The following LMO7 variants were observed in gnomAD, a reference collection of about 807,000 sequenced individuals.
LMO7 encodes LIM domain only protein 7.
LMO7 carries 120 observed loss-of-function variants against 206.5 expected under a neutral mutation model. That is an observed-to-expected ratio of 0.58 (90% CI 0.50 to 0.68). The LOEUF (loss-of-function observed/expected upper bound fraction) is 0.68, where lower values mean the gene tolerates loss of function less well. Ranked by LOEUF, LMO7 falls within the 30% of genes least tolerant of loss-of-function variation. LMO7 has a pLI of 0.00. For synonymous variants in LMO7, 706 were observed against 681.5 expected (o/e 1.04, Z -0.56); for missense variants, 1,959 against 1,957.9 (o/e 1.00, Z -0.01).
At chr13:75,760,373 A>G in intron 3 of LMO7, 4 of 1,049,796 alleles carry the variant, frequency 3.8e-6, no homozygotes, top group Non-Finnish European at 4.6e-6. Flanking sequence ...CCTCAGTCCT[A>G]TAGTATGGTT....
intron 2 of LMO7, among the ~76,000 whole-genome samples, chr13:75,624,328 T>A (rs2033742099): frequency 6.6e-6 from 1 of 152,246 alleles, no homozygotes; most frequent in Non-Finnish European, 1.5e-5. Context: ...AAACATTAGA[T>A]GCTTTGCAGC....
intron 1 of LMO7, among the ~76,000 whole-genome samples, chr13:75,669,596 A>G (rs1003240241): frequency 3.9e-5 from 6 of 152,156 alleles, no homozygotes; most frequent in African/African-American, 1.4e-4. Flanking sequence ...TAGCATAGCA[A>G]TGCCCGCCTA....
rs190503512 is a variant in LMO7 at position 75,818,095 on chromosome 13, A to G, written c.2064+817A>G. On this transcript the variant is annotated intron_variant, in intron 12 of 30. Transcript: ENST00000377534. ...AAACCCCTGCTCTGGCTACCCTTCT[A>G]AATTCCAGTGCCTCTTTTAATTGGG... Among the ~76,000 whole-genome samples the G allele has an allele frequency of 1.1e-4, 17 of 152,332 alleles. No homozygotes were observed. In the East Asian group the frequency reaches 3.3e-3, roughly 29 times the overall value.
Position 75,727,097 on chromosome 13 carries a change from T to G in LMO7, c.209T>G (p.Leu70Trp). ...INRLSTPIAG[L>W]DNINVFLKAC... ...AGACTGTCTACACCAATAGCAGGAT[T>G]GGTAAGTAGTAAATTATCTTCACAA... The change falls in exon 3 of 31, where the codon TTG (leucine) becomes TGG (tryptophan). Residue 70 changes from leucine to tryptophan, a missense_variant and splice_region_variant. Transcript: ENST00000377534. 6.4e-7 allele frequency: 1 copy of G among 1,556,026 alleles called. No homozygotes were observed. Among genetic ancestry groups the G allele is most frequent in the Non-Finnish European group, 8.9e-7 (1 of 1,129,690 alleles).
intron 12 of LMO7, among the ~76,000 whole-genome samples, chr13:75,818,654 G>A (rs1457102013): frequency 2.0e-5 from 3 of 152,130 alleles, no homozygotes; most frequent in East Asian, 1.9e-4. Flanking sequence ...TTCCTGCCAC[G>A]TGTTCCTTAT....
At chr13:75,819,335 G>T in intron 12 of LMO7, 58 bp from the exon 13 acceptor site, 2 of 1,508,038 alleles carry the variant, frequency 1.3e-6, no homozygotes, top group Non-Finnish European at 1.8e-6. Context: ...CATTCTGTCT[G>T]CTAGAAAGGG....
chr13:75,636,311 G>A (rs1052956130), upstream of LMO7: 2 of 1,095,480 alleles, frequency 1.8e-6, no homozygotes, highest in Non-Finnish European at 2.2e-6. Context: ...CGGCGGCGGC[G>A]CTGCGACTTT....
intron 4 of LMO7, among the ~76,000 whole-genome samples, chr13:75,786,630 C>T (rs2052485590): frequency 6.6e-6 from 1 of 152,002 alleles, no homozygotes; most frequent in South Asian, 2.1e-4. Flanking sequence ...CATGATCTGC[C>T]CGCCTCGGCC....
Position 75,663,207 on chromosome 13 carries a change from T to C in LMO7, c.69+26481T>C, listed in dbSNP as rs556656340. On this transcript the variant is annotated intron_variant, in intron 1 of 30. Coordinates refer to ENST00000377534, the MANE Select transcript of LMO7 (RefSeq NM_001306080.2). ...ATATTCTTTTGGGTTGACTGTTTTT[T>C]AGACTTATTTTTATCTAGTCTTTTT... Among the ~76,000 whole-genome samples the C allele has an allele frequency of 1.8e-3, 271 of 152,018 alleles. 3 individuals are homozygous for C. Among genetic ancestry groups the C allele is most frequent in the African/African-American group, 6.3e-3 (262 of 41,546 alleles).
At chr13:75,679,011 C>T (rs2040257023) in intron 1 of LMO7, among the ~76,000 whole-genome samples, 1 of 152,194 alleles carries the variant, frequency 6.6e-6, no homozygotes, top group Non-Finnish European at 1.5e-5. Flanking sequence ...ATAAAGCCTT[C>T]TTTTCCTTTG....
upstream of LMO7, among the ~76,000 whole-genome samples, chr13:75,635,440 C>T (rs1464724455): frequency 2.0e-5 from 3 of 152,172 alleles, no homozygotes; most frequent in African/African-American, 4.8e-5. Context: ...CGCCCCGCCC[C>T]CAACCCCCCG....
At chr13:75,624,101 A>G (rs1305099472) in intron 2 of LMO7, among the ~76,000 whole-genome samples, 1 of 152,062 alleles carries the variant, frequency 6.6e-6, no homozygotes, top group Admixed American at 6.5e-5. Context: ...CTCAATTTCT[A>G]TTTCAGTCTC....
intron 26 of LMO7, among the ~76,000 whole-genome samples, chr13:75,846,632 C>T (rs971032224): frequency 6.6e-6 from 1 of 152,234 alleles, no homozygotes; most frequent in Non-Finnish European, 1.5e-5. Flanking sequence ...TGTGAATCTC[C>T]GGAATAATCT....
chr13:75,776,114 C>T (rs1463780077), intron 4 of LMO7, among the ~76,000 whole-genome samples: 31 of 58,122 alleles, frequency 5.3e-4, no homozygotes, highest in African/African-American at 1.3e-3. Flanking sequence ...TATATATATA[C>T]ATACATACAT....
At chr13:75,676,461 G>A (rs1410336129) in intron 1 of LMO7, among the ~76,000 whole-genome samples, 2 of 152,140 alleles carry the variant, frequency 1.3e-5, no homozygotes, top group Admixed American at 1.3e-4. Context: ...TCTTTGCAGG[G>A]AGGAATGAAC....
intron 1 of LMO7, among the ~76,000 whole-genome samples, chr13:75,693,429 C>A (rs1220410756): frequency 6.6e-6 from 1 of 151,530 alleles, no homozygotes; most frequent in East Asian, 1.9e-4. Flanking sequence ...GTGTGGATCT[C>A]CCCTGTCTGT....
chr13:75,718,785 C>T (rs542997120), intron 2 of LMO7, among the ~76,000 whole-genome samples: 4 of 152,172 alleles, frequency 2.6e-5, no homozygotes, highest in Non-Finnish European at 5.9e-5. Flanking sequence ...ATCCTCTGTG[C>T]TCCTCCTATT....
intron 23 of LMO7, 54 bp downstream of exon 23, chr13:75,841,255 A>C: frequency 8.7e-7 from 1 of 1,154,332 alleles, no homozygotes; most frequent in Non-Finnish European, 1.3e-6. Context: ...TGTTGGTGAG[A>C]TTAGCTGAGA....
chr13:75,649,612 G>A (rs75540064), intron 1 of LMO7, among the ~76,000 whole-genome samples: 110 of 151,988 alleles, frequency 7.2e-4, no homozygotes, highest in African/African-American at 2.7e-3. Context: ...AGTGTAGAGG[G>A]GCAGGTACTC....
Sources: allele counts gnomAD v4.1 joint callset (sites outside exome capture counted in the v4.1 genomes callset), GRCh38; gene constraint gnomAD v4.1.1; transcripts MANE v1.5; gene names NCBI Gene and HGNC (gene_info 2026-07-23, HGNC 2026-07-21).